Variants in COL5A1 observed in about 807,000 individuals in gnomAD.
COL5A1 encodes the protein collagen alpha-1(V) chain.
Under a neutral mutation model 263.7 loss-of-function variants are expected in COL5A1, and 16 were observed. The observed-to-expected ratio is 0.06, with a 90% CI of 0.04 to 0.09. The LOEUF is 0.09. Ranked by LOEUF, COL5A1 falls within the 10% of genes least tolerant of loss-of-function variation. COL5A1 has a pLI of 1.00. For synonymous variants in COL5A1, 1,012 were observed against 1,004.5 expected, an observed-to-expected ratio of 1.01 and a Z score of -0.14; for missense variants, 2,036 against 2,540.5, an observed-to-expected ratio of 0.80 and a Z score of 4.27.
At chr9:134,825,353 T>C (rs1321096773) in intron 62 of COL5A1, among the ~76,000 whole-genome samples, 1 of 152,182 alleles carries the variant, frequency 6.6e-6, no homozygotes, top group African/African-American at 2.4e-5. Flanking sequence ...CAGGCACCAA[T>C]TGAAGGATAA....
intron 50 of COL5A1, among the ~76,000 whole-genome samples, chr9:134,815,279 G>C (rs537921720): frequency 1.1e-4 from 16 of 152,376 alleles, no homozygotes; most frequent in Admixed American, 9.8e-4. Flanking sequence ...TCTAGTTGCA[G>C]CCTGGAGCTC....
chr9:134,767,485 C>T (rs963211537), intron 24 of COL5A1, 131 bp downstream of exon 24: 7 of 818,588 alleles, frequency 8.6e-6, no homozygotes, highest in Non-Finnish European at 1.0e-5. Flanking sequence ...GACGCCAAAG[C>T]TCAGAGTGCC....
intron 14 of COL5A1, 43 bp from the exon 15 acceptor site, chr9:134,753,807 T>C: frequency 7.1e-7 from 1 of 1,408,444 alleles, no homozygotes; most frequent in Non-Finnish European, 9.9e-7. Flanking sequence ...TGTTCTCGAG[T>C]CCCCACCTCG....
At chr9:134,796,467 C>T (rs774914971) in intron 35 of COL5A1, 49 bp downstream of exon 35, 9 of 1,580,864 alleles carry the variant, frequency 5.7e-6, no homozygotes, top group African/African-American at 4.0e-5. Context: ...GAGCCTGCCT[C>T]GAATGCCCCC....
At chr9:134,654,955 G>C (rs1321717239) in intron 1 of COL5A1, among the ~76,000 whole-genome samples, 1 of 111,720 alleles carries the variant, frequency 9.0e-6, no homozygotes, top group Non-Finnish European at 1.9e-5. Flanking sequence ...GTGTAGAGCT[G>C]GGGGAGGGTA....
chr9:134,695,943 A>G (rs1441059898), intron 2 of COL5A1, among the ~76,000 whole-genome samples: 1 of 152,040 alleles, frequency 6.6e-6, no homozygotes, highest in African/African-American at 2.4e-5. Flanking sequence ...TGGCTGGTGA[A>G]ATTCCTTCTG....
chr9:134,817,748 C>T (rs746321716), intron 53 of COL5A1, 30 bp from the exon 54 acceptor site: 4 of 1,608,034 alleles, frequency 2.5e-6, no homozygotes, highest in African/African-American at 1.3e-5. Flanking sequence ...AGGCCACACT[C>T]ACCACCTGCT....
At chr9:134,763,065 G>T (rs1836522995) in intron 19 of COL5A1, among the ~76,000 whole-genome samples, 1 of 152,128 alleles carries the variant, frequency 6.6e-6, no homozygotes, top group Non-Finnish European at 1.5e-5. Context: ...GCATGGCTGT[G>T]TATGCATGTG....
chr9:134,725,693 A>G (rs1437434995), intron 4 of COL5A1, among the ~76,000 whole-genome samples: 1 of 152,234 alleles, frequency 6.6e-6, no homozygotes, highest in Non-Finnish European at 1.5e-5. Flanking sequence ...TTCCCGGCTG[A>G]CACAGTTAGA....
Position 134,700,518 on chromosome 9 carries a change from G to A in COL5A1, c.491+396G>A, listed in dbSNP as rs145802583. The stretch of plus-strand genomic sequence containing the variant: ...AGTGGGAGTGAGCATGAGAAAAAGC[G>A]GGTCGTGCCAGCACGCTCTGTTGGG... On this transcript the variant is annotated intron_variant, in intron 3 of 65. Transcript: ENST00000371817. The surrounding 1 kb of genome is among the most constrained non-coding windows in gnomAD (Gnocchi z 4.0). 3.9e-5 allele frequency among the ~76,000 whole-genome samples: 6 copies of A among 152,280 alleles called. No individual in the cohort carries two copies. The highest frequency in any genetic ancestry group is 1.4e-4 in the African/African-American group (6 of 41,550).
At position 134,756,808 on chromosome 9, in the gene COL5A1, C is replaced by T. The variant is rs750352829; in HGVS notation, c.1871C>T (p.Thr624Ile). 1 of 1,614,070 alleles carries T rather than the reference C, an allele frequency of 6.2e-7. No individual in the cohort carries two copies. Among genetic ancestry groups the T allele is most frequent in the Admixed American group, 1.7e-5 (1 of 60,008 alleles). ...GGAGCCAGAGGAATGCCTGGACAAA[C>T]TGGCCCCAAGGTAGGTCACCCACCA... ...SDGARGMPGQ[T>I]GPKGDRGFDG... Residue 624 changes from threonine (T) to isoleucine (I), a missense_variant, in exon 17 of 66, where the codon ACT (threonine) becomes ATT (isoleucine). This residue lies in a region of COL5A1 where 1,078 missense variants were observed against 1,521.4 expected (regional missense o/e 0.71). Coordinates refer to ENST00000371817, the MANE Select transcript of COL5A1 (RefSeq NM_000093.5).
At chr9:134,760,081 C>T (rs533437893) in intron 18 of COL5A1, among the ~76,000 whole-genome samples, 17 of 134,136 alleles carry the variant, frequency 1.3e-4, no homozygotes, top group African/African-American at 3.3e-4. Context: ...CATGCACACA[C>T]GCATACACGC....
At chr9:134,661,282 A>C (rs925679618) in intron 1 of COL5A1, among the ~76,000 whole-genome samples, 1 of 151,748 alleles carries the variant, frequency 6.6e-6, no homozygotes, top group Non-Finnish European at 1.5e-5. Context: ...ATTGTCCCAC[A>C]TCTGACATTA....
At chr9:134,798,930 C>T in intron 37 of COL5A1, among the ~76,000 whole-genome samples, 1 of 152,208 alleles carries the variant, frequency 6.6e-6, no homozygotes, top group East Asian at 1.9e-4. Context: ...TGCTGCAATA[C>T]TTCAAGAGGG....
At chr9:134,823,561 T>A in intron 61 of COL5A1, 92 bp downstream of exon 61, 1 of 1,339,654 alleles carries the variant, frequency 7.5e-7, no homozygotes, top group Non-Finnish European at 1.1e-6. Flanking sequence ...TGACCCCTCC[T>A]GAGACTCATG....
rs566455178 is a variant in COL5A1, at chr9:134,796,233, C to T, written c.2800-141C>T. The T allele has an allele frequency of 2.7e-5, 24 of 898,240 alleles. No homozygotes were observed. The South Asian group carries it at 3.2e-4, about 12-fold the overall frequency. 55.6% of individuals were successfully genotyped at this position (898,240 alleles called of 1,614,324 possible). On this transcript the variant is annotated intron_variant, in intron 34 of 65. Transcript: ENST00000371817. ...CAGATCAGCGCCAATGCCTTCTGCC[C>T]CTTACTGAGGGTCAGGGCCACCTTC...
At chr9:134,737,273 G>A (rs1188173225) in intron 9 of COL5A1, among the ~76,000 whole-genome samples, 2 of 152,168 alleles carry the variant, frequency 1.3e-5, no homozygotes, top group African/African-American at 4.8e-5. Context: ...AGTACCCATG[G>A]GTGTCGCCGA....
In COL5A1 at chr9:134,750,546, C is replaced by T. The variant is rs778866843; in HGVS notation, c.1499C>T (p.Pro500Leu). The change falls in exon 12 of 66, where the codon CCC becomes CTC. Residue 500 changes from proline to leucine, a missense_variant. This residue lies in a region of COL5A1 where 1,078 missense variants were observed against 1,521.4 expected (regional missense o/e 0.71). Coordinates refer to ENST00000371817, the MANE Select transcript of COL5A1 (RefSeq NM_000093.5). ...GQVGDPGERGPPGRPGLPGAD... is the reference protein window; with the variant it reads ...GQVGDPGERGLPGRPGLPGAD... ...CTCTTGGCCCCTTGTCTTCAGGGCC[C>T]CCCTGGACGCCCAGGCCTTCCTGGG... The T allele has an allele frequency of 1.2e-6, 2 of 1,613,670 alleles. No individual in the cohort carries two copies. Among genetic ancestry groups the T allele is most frequent in the Admixed American group, 1.7e-5 (1 of 60,036 alleles).
In COL5A1 at chr9:134,818,959, C is replaced by A. The variant is rs369288438; in HGVS notation, c.4393-41C>A. 6.2e-7 allele frequency: 1 copy of A among 1,613,164 alleles called. No homozygotes were observed. Among genetic ancestry groups the A allele is most frequent in the African/African-American group, 1.3e-5 (1 of 74,920 alleles). On this transcript the variant is annotated intron_variant, in intron 56 of 65. Coordinates refer to ENST00000371817, the MANE Select transcript of COL5A1 (RefSeq NM_000093.5). The surrounding 1 kb of genome is among the most constrained non-coding windows in gnomAD (Gnocchi z 6.0). ...GTGGGATGACTTCGCCACCCAAAGCCCCAAGGATGAGGACTCTGATCCCCC... is the reference window on the plus strand; with the variant it reads ...GTGGGATGACTTCGCCACCCAAAGCACCAAGGATGAGGACTCTGATCCCCC...
Sources: gnomAD v4.1 joint callset for allele counts (sites outside exome capture counted in the v4.1 genomes callset) on GRCh38, gnomAD v4.1.1 for gene constraint, gnomAD v4.1.1 regional missense constraint, Gnocchi (gnomAD v3.1) non-coding constraint, MANE v1.5 for transcripts, NCBI Gene and HGNC (gene_info 2026-07-23, HGNC 2026-07-21) for gene names.